PTPRM: variants seen among roughly 807,000 people sequenced by gnomAD.
The protein encoded by PTPRM is protein tyrosine phosphatase receptor type M.
A neutral mutation model predicts 186.7 loss-of-function variants in PTPRM; 47 were observed. That is an observed-to-expected ratio of 0.25 (90% CI 0.20 to 0.32). The LOEUF (loss-of-function observed/expected upper bound fraction) is 0.32. Among genes scored for constraint, PTPRM ranks in the 10% least tolerant of loss-of-function variants. The pLI is 1.00. For synonymous variants in PTPRM, 668 were observed against 674.9 expected (o/e 0.99, Z 0.16); for missense variants, 1,494 against 1,865.0 (o/e 0.80, Z 3.66).
At chr18:8,084,963 A>C (rs894834074) in intron 9 of PTPRM, among the ~76,000 whole-genome samples, 1 of 152,154 alleles carries the variant, frequency 6.6e-6, no homozygotes, top group Non-Finnish European at 1.5e-5. Flanking sequence ...GCACTGTCTC[A>C]TATGGCAGCT....
In PTPRM at chr18:8,143,909, T is replaced by C. The variant is rs1227547650; in HGVS notation, c.2300+130T>C. On this transcript the variant is annotated intron_variant, in intron 14 of 32. Coordinates refer to ENST00000580170, the MANE Select transcript of PTPRM (RefSeq NM_001105244.2). Reference sequence around the variant, plus strand: ...GACACATCTGTGACTCTGTGATTGTTAACATTTTTCATCATGTGGCATGGA... The same window carrying C: ...GACACATCTGTGACTCTGTGATTGTCAACATTTTTCATCATGTGGCATGGA... The C allele has an allele frequency of 1.4e-5, 17 of 1,216,598 alleles. No homozygotes were observed. In the East Asian group the frequency reaches 3.8e-4, roughly 27 times the overall value. 75.4% of individuals were successfully genotyped at this position (1,216,598 alleles called of 1,614,324 possible).
At chr18:7,686,461 G>A (rs978056663) in intron 1 of PTPRM, among the ~76,000 whole-genome samples, 1 of 151,852 alleles carries the variant, frequency 6.6e-6, no homozygotes, top group Non-Finnish European at 1.5e-5. Flanking sequence ...ACTCCTCCCA[G>A]TTAAGTTAGA....
At chr18:8,334,581 C>T (rs1047560136) in intron 22 of PTPRM, among the ~76,000 whole-genome samples, 22 of 152,242 alleles carry the variant, frequency 1.4e-4, no homozygotes, top group African/African-American at 5.3e-4. Flanking sequence ...TGCAGATCTC[C>T]GCCAGCCATT....
In PTPRM at chr18:7,925,674, C is replaced by T. The variant is rs1044108171; in HGVS notation, c.548-894C>T. 5.9e-5 allele frequency among the ~76,000 whole-genome samples: 9 copies of T among 152,232 alleles called. No homozygotes were observed. In the East Asian group the frequency reaches 1.5e-3, roughly 26 times the overall value. On this transcript the variant is annotated intron_variant, in intron 4 of 32. Coordinates refer to ENST00000580170, the MANE Select transcript of PTPRM (RefSeq NM_001105244.2). ...AAGTATGATCATCCCCTTTGCTTCCCACCTCTTCTGTGGGAAGCACTCTGC... is the reference window on the plus strand; with the variant it reads ...AAGTATGATCATCCCCTTTGCTTCCTACCTCTTCTGTGGGAAGCACTCTGC...
intron 14 of PTPRM, among the ~76,000 whole-genome samples, chr18:8,181,514 G>A (rs1461059592): frequency 2.6e-5 from 4 of 152,146 alleles, no homozygotes; most frequent in South Asian, 2.1e-4. Flanking sequence ...ACTGAGGGGC[G>A]AAAAAGGAAA....
intron 2 of PTPRM, among the ~76,000 whole-genome samples, chr18:7,848,358 A>G (rs981075261): frequency 6.6e-6 from 1 of 152,238 alleles, no homozygotes; most frequent in Non-Finnish European, 1.5e-5. Context: ...GCTGGTTGTC[A>G]TGTTGCTAAT....
chr18:7,709,041 CCTG>C (rs2040156935), intron 1 of PTPRM, among the ~76,000 whole-genome samples: 1 of 152,116 alleles, frequency 6.6e-6, no homozygotes, highest in African/African-American at 2.4e-5. Flanking sequence ...AAAGCACACT[CCTG>C]CTGCTGCTTC....
At chr18:8,316,576 G>A (rs774646660) in intron 21 of PTPRM, among the ~76,000 whole-genome samples, 6 of 152,262 alleles carry the variant, frequency 3.9e-5, no homozygotes, top group East Asian at 1.9e-4. Context: ...GTACTTGTGC[G>A]TTATTTACCT....
Position 7,567,605 on chromosome 18 carries a change from G to C in PTPRM, c.-214G>C, listed in dbSNP as rs1598426047. On this transcript the variant is annotated 5_prime_UTR_variant, in exon 1 of 33. Transcript: ENST00000580170. The surrounding 1 kb of genome is among the most constrained non-coding windows in gnomAD (Gnocchi z 4.3). The stretch of plus-strand genomic sequence containing the variant: ...CGGCGCCAGACGCCGAGTGGGGCCA[G>C]GGACAGGGGAGGAGGACCCAGGACC... 9.6e-6 allele frequency: 4 copies of C among 417,788 alleles called. No homozygotes were observed. Among genetic ancestry groups the C allele is most frequent in the Middle Eastern group, 6.2e-4 (1 of 1,624 alleles). 25.9% of individuals were successfully genotyped at this position (417,788 alleles called of 1,614,324 possible).
intron 7 of PTPRM, among the ~76,000 whole-genome samples, chr18:7,958,503 T>C (rs2053465529): frequency 6.6e-6 from 1 of 152,206 alleles, no homozygotes; most frequent in Admixed American, 6.5e-5. Flanking sequence ...CGACAAGATC[T>C]GAGTGAGTTT....
At chr18:8,049,199 G>C (rs998564319) in intron 7 of PTPRM, among the ~76,000 whole-genome samples, 1 of 152,176 alleles carries the variant, frequency 6.6e-6, no homozygotes, top group African/African-American at 2.4e-5. Context: ...TTGTTCCACT[G>C]TATAGAAACA....
intron 2 of PTPRM, among the ~76,000 whole-genome samples, chr18:7,813,534 G>A (rs78667035): frequency 0.016 from 2,414 of 152,264 alleles, 41 homozygotes; most frequent in Non-Finnish European, 0.02. Flanking sequence ...TCATCCAGAT[G>A]TGGACCCCCT....
At chr18:8,188,757 G>C (rs991781423) in intron 14 of PTPRM, among the ~76,000 whole-genome samples, 3 of 152,174 alleles carry the variant, frequency 2.0e-5, no homozygotes, top group African/African-American at 7.2e-5. Flanking sequence ...AACCTAAAGA[G>C]GCTTTTGTGT....
chr18:7,580,695 T>A (rs2036820767), intron 1 of PTPRM, among the ~76,000 whole-genome samples: 1 of 152,262 alleles, frequency 6.6e-6, no homozygotes, highest in Non-Finnish European at 1.5e-5. Context: ...GCTGAGAGAA[T>A]CAACGGAGAC....
At chr18:8,332,701 G>A (rs776804317) in intron 22 of PTPRM, among the ~76,000 whole-genome samples, 4 of 152,140 alleles carry the variant, frequency 2.6e-5, no homozygotes, top group Non-Finnish European at 2.9e-5. Flanking sequence ...GCAAGTACCC[G>A]CCAACCAGAG....
chr18:8,332,580 G>T (rs1302562902), intron 22 of PTPRM, among the ~76,000 whole-genome samples: 1 of 152,200 alleles, frequency 6.6e-6, no homozygotes, highest in African/African-American at 2.4e-5. Context: ...CATGTGGGTT[G>T]TGTGCGCTGG....
At chr18:8,261,218 AAAACC>A (rs987948404) in intron 19 of PTPRM, among the ~76,000 whole-genome samples, 11 of 152,318 alleles carry the variant, frequency 7.2e-5, no homozygotes, top group African/African-American at 2.4e-4. Flanking sequence ...CAAACAAAAC[AAAACC>A]AAACCATTGA....
At chr18:7,715,627 T>A (rs536617628) in intron 1 of PTPRM, among the ~76,000 whole-genome samples, 47 of 152,070 alleles carry the variant, frequency 3.1e-4, no homozygotes, top group Non-Finnish European at 4.6e-4. Context: ...CAACCCGAAA[T>A]CTCCTTAAGC....
At chr18:7,588,009 T>C (rs1430792796) in intron 1 of PTPRM, among the ~76,000 whole-genome samples, 4 of 152,204 alleles carry the variant, frequency 2.6e-5, no homozygotes, top group African/African-American at 9.6e-5. Context: ...TGAAGCACTG[T>C]AGATTTAATA....
Sources: gnomAD v4.1 joint callset for allele counts (sites outside exome capture counted in the v4.1 genomes callset) on GRCh38, gnomAD v4.1.1 for gene constraint, Gnocchi (gnomAD v3.1) non-coding constraint, MANE v1.5 for transcripts, NCBI Gene and HGNC (gene_info 2026-07-23, HGNC 2026-07-21) for gene names.